Variants in UBE2F observed in about 807,000 individuals in gnomAD.
UBE2F encodes NEDD8-conjugating enzyme UBE2F.
UBE2F carries 5 observed loss-of-function variants against 29.6 expected under a neutral mutation model. The ratio of observed to expected loss-of-function variants is 0.17; its 90% CI spans 0.09 to 0.36. UBE2F has a LOEUF of 0.36. Among genes scored for constraint, UBE2F ranks in the 10% least tolerant of loss-of-function variants. The pLI is 1.00. For synonymous variants in UBE2F, 66 were observed against 81.8 expected (o/e 0.81, Z 1.04); for missense variants, 141 against 228.5 (o/e 0.62, Z 2.47).
intron 3 of UBE2F, chr2:237,990,403 C>CTTTTT: frequency 2.4e-6 from 1 of 422,990 alleles, no homozygotes; most frequent in Non-Finnish European, 4.7e-6. Flanking sequence ...ACATGTAAAC[C>CTTTTT]TTTTTTTTTT....
At chr2:237,993,399 A>AC (rs1454072815) in intron 3 of UBE2F, among the ~76,000 whole-genome samples, 1 of 152,148 alleles carries the variant, frequency 6.6e-6, no homozygotes, top group African/African-American at 2.4e-5. Flanking sequence ...TGTTTAGTTC[A>AC]CCACCAGTGG....
At chr2:238,031,219 C>G (rs1488431815) in intron 7 of UBE2F, among the ~76,000 whole-genome samples, 1 of 152,254 alleles carries the variant, frequency 6.6e-6, no homozygotes, top group African/African-American at 2.4e-5. Flanking sequence ...ATGTCCTGCC[C>G]TCTCAGAACT....
chr2:237,982,439 T>C lies in UBE2F; in HGVS notation c.119-5524T>C, dbSNP rs1327226211. Among the ~76,000 whole-genome samples the C allele has an allele frequency of 1.3e-5, 2 of 152,212 alleles. No individual in the cohort carries two copies. The highest frequency in any genetic ancestry group is 3.9e-4 in the East Asian group (2 of 5,192). ...TAGACTGTCCTCTTGAACCTTTTGCTTGTGTCATGCTGGCCCCTCTGCTTG... is the reference window on the plus strand; with the variant it reads ...TAGACTGTCCTCTTGAACCTTTTGCCTGTGTCATGCTGGCCCCTCTGCTTG... On this transcript the variant is annotated intron_variant, in intron 2 of 9. Coordinates refer to ENST00000272930, the MANE Select transcript of UBE2F (RefSeq NM_080678.3). The surrounding 1 kb of genome is among the most constrained non-coding windows in gnomAD (Gnocchi z 4.1).
At chr2:238,036,579 T>C (rs1201299238) in intron 9 of UBE2F, among the ~76,000 whole-genome samples, 1 of 152,174 alleles carries the variant, frequency 6.6e-6, no homozygotes. Context: ...ATTACACCTG[T>C]AATCCCAGCC....
In UBE2F at chr2:238,040,221, C is replaced by A. The variant is rs1171475796; in HGVS notation, c.508-1067C>A. On this transcript the variant is annotated intron_variant, in intron 9 of 9. Coordinates refer to ENST00000272930, the MANE Select transcript of UBE2F (RefSeq NM_080678.3). This position sits in a 1 kb window ranked among gnomAD's most constrained non-coding sequence, Gnocchi z 4.4. Reference sequence around the variant, plus strand: ...AAAAGTGTGGCAGGAGGGCAGGCACCTGGTGCCCAGCTGGCCAGGACCATG... The same window carrying A: ...AAAAGTGTGGCAGGAGGGCAGGCACATGGTGCCCAGCTGGCCAGGACCATG... Among the ~76,000 whole-genome samples the A allele has an allele frequency of 1.3e-5, 2 of 152,230 alleles. No individual in the cohort carries two copies. The highest frequency in any genetic ancestry group is 4.8e-5 in the African/African-American group (2 of 41,466).
chr2:237,974,711 C>T (rs1025620711), intron 2 of UBE2F, among the ~76,000 whole-genome samples: 34 of 151,942 alleles, frequency 2.2e-4, no homozygotes, highest in African/African-American at 7.7e-4. Flanking sequence ...GATGGGGTTT[C>T]GCCACGTTGG....
Position 237,987,973 on chromosome 2 carries a change from A to T in UBE2F, c.129A>T (p.Glu43Asp). 2 of 1,508,084 alleles carry T rather than the reference A, an allele frequency of 1.3e-6. No homozygotes were observed. Among genetic ancestry groups the T allele is most frequent in the Non-Finnish European group, 1.8e-6 (2 of 1,124,180 alleles). 93.4% of individuals were successfully genotyped at this position (1,508,084 alleles called of 1,614,324 possible). Residue 43 changes from glutamate to aspartate, a missense_variant, in exon 3 of 10, where the codon GAA becomes GAT. Transcript: ENST00000272930. ...RDKLLVKEVA[E>D]LEANLPCTCK... ...TCTTTGTTTCTACAGAGGTTGCAGAACTTGAAGCTAATTTACCTTGTAAGT... is the reference window on the plus strand; with the variant it reads ...TCTTTGTTTCTACAGAGGTTGCAGATCTTGAAGCTAATTTACCTTGTAAGT...
intron 2 of UBE2F, among the ~76,000 whole-genome samples, chr2:237,978,726 G>A (rs10208030): frequency 0.024 from 3,645 of 152,288 alleles, 143 homozygotes; most frequent in African/African-American, 0.083. Flanking sequence ...CCTGACTCCA[G>A]AAGCTGGGGT....
At chr2:237,976,895 G>A (rs7586036) in intron 2 of UBE2F, among the ~76,000 whole-genome samples, 2,988 of 152,228 alleles carry the variant, frequency 0.02, 94 homozygotes, top group African/African-American at 0.068. Context: ...CCCAGTTTGC[G>A]GGTTTATTGC....
Position 237,994,639 on chromosome 2 carries a change from C to T in UBE2F, c.149-105C>T, listed in dbSNP as rs1002289940. The T allele has an allele frequency of 4.4e-5, 37 of 843,888 alleles. No homozygotes were observed. The Admixed American group carries it at 6.7e-4, about 15-fold the overall frequency. The allele number at this position is 843,888 out of a possible 1,614,324, so 52.3% of individuals were successfully genotyped here. A position where few individuals can be genotyped will look rare whatever the true frequency, so the allele number is the denominator to read the frequency against. The stretch of plus-strand genomic sequence containing the variant: ...ATCTACCAACTTTCCATAAACCATA[C>T]GAATCCCTGTAGCACCGCTAACTTT... On this transcript the variant is annotated intron_variant, in intron 3 of 9. Coordinates refer to ENST00000272930, the MANE Select transcript of UBE2F (RefSeq NM_080678.3).
At position 238,042,687 on chromosome 2, in the gene UBE2F, T is replaced by A. The variant is rs2064854989; in HGVS notation, c.*1349T>A. On this transcript the variant is annotated 3_prime_UTR_variant, in exon 10 of 10. Coordinates refer to ENST00000272930, the MANE Select transcript of UBE2F (RefSeq NM_080678.3). ...TGCCATCTACTGGGTTTAGTTTGTT[T>A]TTCTTAATTTATAGAATCTCTGATT... is the stretch of plus-strand genomic sequence containing the variant. The A allele has an allele frequency of 6.6e-6, 1 of 152,284 alleles. No homozygotes were observed. The highest frequency in any genetic ancestry group is 2.4e-5 in the African/African-American group (1 of 41,470). The allele number at this position is 152,284 out of a possible 1,614,324, so 9.4% of individuals were successfully genotyped here.
At chr2:238,010,346 G>T (rs886958683) in intron 4 of UBE2F, among the ~76,000 whole-genome samples, 2 of 152,072 alleles carry the variant, frequency 1.3e-5, no homozygotes, top group Non-Finnish European at 2.9e-5. Flanking sequence ...ACTGATTTTT[G>T]TATTCTTAGT....
chr2:237,979,232 C>A (rs1465391068), intron 2 of UBE2F, among the ~76,000 whole-genome samples: 4 of 152,178 alleles, frequency 2.6e-5, no homozygotes, highest in African/African-American at 9.7e-5. Flanking sequence ...GGTTTCTAAC[C>A]TTCTCTTGTT....
chr2:237,978,212 C>T (rs1032681885), intron 2 of UBE2F, among the ~76,000 whole-genome samples: 3 of 152,320 alleles, frequency 2.0e-5, no homozygotes, highest in East Asian at 3.9e-4. Context: ...CACCAAATCC[C>T]TGAAAGGGCT....
chr2:237,968,740 A>G (rs552337804), intron 1 of UBE2F: 8 of 621,788 alleles, frequency 1.3e-5, no homozygotes, highest in East Asian at 2.8e-4. Context: ...AACTGGGCCA[A>G]TTACAACTTG....
At chr2:238,041,229 T>G in intron 9 of UBE2F, 59 bp from the exon 10 acceptor site, 1 of 1,507,032 alleles carries the variant, frequency 6.6e-7, no homozygotes. Context: ...AAGCGCTGCT[T>G]CACTCACTCA....
In UBE2F at chr2:238,038,107, C is replaced by T. The variant is rs1478128229; in HGVS notation, c.507+2167C>T. 3.9e-5 allele frequency among the ~76,000 whole-genome samples: 6 copies of T among 152,290 alleles called. No individual in the cohort carries two copies. In the East Asian group the frequency reaches 5.8e-4, roughly 15 times the overall value. ...CCCAAAGAGTGGGCAGGAGCACCTC[C>T]GACAGGGAGGCAAGAGAAGTGCCAC... On this transcript the variant is annotated intron_variant, in intron 9 of 9. Coordinates refer to ENST00000272930, the MANE Select transcript of UBE2F (RefSeq NM_080678.3).
At chr2:237,976,081 T>C (rs1004306921) in intron 2 of UBE2F, among the ~76,000 whole-genome samples, 1 of 152,250 alleles carries the variant, frequency 6.6e-6, no homozygotes, top group Admixed American at 6.5e-5. Flanking sequence ...TAGTAGATTG[T>C]ATTCAGCGTC....
At chr2:238,037,259 A>G (rs2064732893) in intron 9 of UBE2F, among the ~76,000 whole-genome samples, 1 of 152,252 alleles carries the variant, frequency 6.6e-6, no homozygotes, top group East Asian at 1.9e-4. Context: ...AGGTATAACA[A>G]AACCCAAGCT....
Sources: allele counts gnomAD v4.1 joint callset (sites outside exome capture counted in the v4.1 genomes callset), GRCh38; gene constraint gnomAD v4.1.1; non-coding constraint Gnocchi (gnomAD v3.1); transcripts MANE v1.5; gene names NCBI Gene and HGNC (gene_info 2026-07-23, HGNC 2026-07-21).